Variants in VIPR1 observed in about 807,000 individuals in gnomAD.
The protein encoded by VIPR1 is vasoactive intestinal polypeptide receptor 1.
In VIPR1, 59 loss-of-function variants were observed where a neutral mutation model predicts 58.8. The ratio of observed to expected loss-of-function variants is 1.00; its 90% CI spans 0.81 to 1.25. The LOEUF (loss-of-function observed/expected upper bound fraction) is 1.25, where lower values mean the gene tolerates loss of function less well. Ranked by LOEUF, VIPR1 falls within the 50% of genes most tolerant of loss-of-function variation. VIPR1 has a pLI of 0.00. For missense variants in VIPR1, 626 were observed against 602.7 expected, an observed-to-expected ratio of 1.04 and a Z score of -0.40; for synonymous variants, 251 against 242.1, an observed-to-expected ratio of 1.04 and a Z score of -0.34.
intron 9 of VIPR1, 143 bp downstream of exon 9, chr3:42,532,012 C>G (rs1423355672): frequency 2.2e-5 from 22 of 1,002,168 alleles, no homozygotes; most frequent in Non-Finnish European, 3.3e-5. Flanking sequence ...ATCCCCACCC[C>G]TGTCCTACCA....
intron 2 of VIPR1, among the ~76,000 whole-genome samples, chr3:42,518,580 A>T (rs1057001989): frequency 3.3e-5 from 5 of 152,150 alleles, no homozygotes; most frequent in Non-Finnish European, 7.4e-5. Context: ...CTCTACTAAA[A>T]ATACAAAAAT....
chr3:42,499,009 T>A (rs973272170), upstream of VIPR1, among the ~76,000 whole-genome samples: 6 of 152,172 alleles, frequency 3.9e-5, no homozygotes, highest in Non-Finnish European at 8.8e-5. Context: ...TGGTGATCAC[T>A]CCATGTTGCC....
rs59106663 is a variant in VIPR1 at position 42,522,080 on chromosome 3, A to AATATATATATATATATAT, written c.292+2755_292+2772dup. Among the ~76,000 whole-genome samples, 158 of 52,880 alleles carry AATATATATATATATATAT rather than the reference A, an allele frequency of 3.0e-3. 3 individuals carry two copies. The highest frequency in any genetic ancestry group is 6.4e-3 in the African/African-American group (78 of 12,180). 34.7% of individuals were successfully genotyped at this position (52,880 alleles called of 152,430 possible). A position where few individuals can be genotyped will look rare whatever the true frequency, so the allele number is the denominator to read the frequency against. On this transcript the variant is annotated intron_variant, in intron 3 of 12. Coordinates refer to ENST00000325123, the MANE Select transcript of VIPR1 (RefSeq NM_004624.4). The stretch of plus-strand genomic sequence containing the variant: ...TCTTTCATCTGTGTTTCTACCTTCG[A>AATATATATATATATATAT]ATATATATATATATATATATATTTT...
chr3:42,527,429 T>G lies in VIPR1; in HGVS notation c.436T>G (p.Tyr146Asp). The change falls in exon 5 of 13, where the codon TAC (tyrosine) becomes GAC (aspartate). Residue 146 changes from tyrosine (Y) to aspartate (D), a missense_variant. Physicochemically the swap from Tyr to Asp is radical, Grantham distance 160 (BLOSUM62 -3). Coordinates refer to ENST00000325123, the MANE Select transcript of VIPR1 (RefSeq NM_004624.4). Reference sequence around the variant, plus strand: ...GTTCTACGGTTCTGTGAAGACCGGCTACACCATTGGCTACGGCCTGTCCCT... The same window carrying G: ...GTTCTACGGTTCTGTGAAGACCGGCGACACCATTGGCTACGGCCTGTCCCT... ...TMFYGSVKTG[Y>D]TIGYGLSLAT... 6.2e-7 allele frequency: 1 copy of G among 1,613,752 alleles called. No homozygotes were observed. Among genetic ancestry groups the G allele is most frequent in the Non-Finnish European group, 8.5e-7 (1 of 1,179,910 alleles).
At chr3:42,512,965 C>T in intron 1 of VIPR1, 3 of 985,446 alleles carry the variant, frequency 3.0e-6, no homozygotes, top group Non-Finnish European at 3.6e-6. Flanking sequence ...TGACCCCAGT[C>T]ACACTGGTCT....
chr3:42,519,826 A>T (rs1425261176), intron 3 of VIPR1, among the ~76,000 whole-genome samples: 2 of 152,220 alleles, frequency 1.3e-5, no homozygotes, highest in Non-Finnish European at 2.9e-5. Flanking sequence ...CACAATATAG[A>T]TTCAGTCATT....
chr3:42,517,004 C>T (rs1053270823), intron 2 of VIPR1, among the ~76,000 whole-genome samples: 3 of 152,210 alleles, frequency 2.0e-5, no homozygotes, highest in Admixed American at 6.5e-5. Context: ...GAGAAGCTGG[C>T]CCAGAATGGA....
chr3:42,519,403 G>A (rs2125654717), intron 3 of VIPR1, 73 bp downstream of exon 3: 1 of 1,371,420 alleles, frequency 7.3e-7, no homozygotes, highest in East Asian at 2.6e-5. Flanking sequence ...CAAGGAAGTG[G>A]AAAGGCAAAG....
chr3:42,495,865 C>G (rs1040576198), intron 1 of VIPR1, among the ~76,000 whole-genome samples: 1 of 151,792 alleles, frequency 6.6e-6, no homozygotes, highest in African/African-American at 2.4e-5. Flanking sequence ...AACTGAACAA[C>G]CTGACTGAAC....
At chr3:42,526,118 C>T in intron 4 of VIPR1, 125 bp downstream of exon 4, 1 of 867,378 alleles carries the variant, frequency 1.2e-6, no homozygotes, top group Non-Finnish European at 1.8e-6. Flanking sequence ...AGTCTGCCCT[C>T]CTCTAGCCTC....
chr3:42,520,025 G>A (rs963942785), intron 3 of VIPR1, among the ~76,000 whole-genome samples: 49 of 152,218 alleles, frequency 3.2e-4, no homozygotes, highest in Admixed American at 3.0e-3. Context: ...AGAATAAGGA[G>A]AGTGGGGACT....
intron 1 of VIPR1, among the ~76,000 whole-genome samples, chr3:42,495,002 G>A (rs900938093): frequency 1.3e-5 from 2 of 151,998 alleles, no homozygotes; most frequent in African/African-American, 4.8e-5. Flanking sequence ...TTTATTAATT[G>A]TCTATGCGTG....
chr3:42,499,874 G>A (rs770616834), upstream of VIPR1, among the ~76,000 whole-genome samples: 2 of 152,188 alleles, frequency 1.3e-5, no homozygotes, highest in South Asian at 2.1e-4. Flanking sequence ...GTGGGCCCAC[G>A]GTTGACCCCC....
At chr3:42,528,476 C>T (rs1701357879) in intron 6 of VIPR1, 1 of 288,020 alleles carries the variant, frequency 3.5e-6, no homozygotes, top group Non-Finnish European at 6.7e-6. Context: ...TCAGTTTCCC[C>T]ATCTGTGCAA....
In VIPR1 at chr3:42,512,521, G is replaced by A. The variant is rs538217957; in HGVS notation, c.79-1228G>A. ...GCCAGGAGGGACCCCCTTAAAGGAAGGTCCCCCACCTATGTTCTTCCCACG... is the reference window on the plus strand; with the variant it reads ...GCCAGGAGGGACCCCCTTAAAGGAAAGTCCCCCACCTATGTTCTTCCCACG... On this transcript the variant is annotated intron_variant, in intron 1 of 12. Coordinates refer to ENST00000325123, the MANE Select transcript of VIPR1 (RefSeq NM_004624.4). 2.6e-5 allele frequency among the ~76,000 whole-genome samples: 4 copies of A among 152,268 alleles called. No homozygotes were observed. In the South Asian group the frequency reaches 8.3e-4, roughly 32 times the overall value.
At position 42,527,648 on chromosome 3, in the gene VIPR1, T is replaced by G. The variant is rs991399731; in HGVS notation, c.503+152T>G. On this transcript the variant is annotated intron_variant, in intron 5 of 12. Transcript: ENST00000325123. ...CAGCTCCTGCCAGGCCAGCTTCCCC[T>G]GGAGAAGGCAGGTGGCTGAGCTCTT... 6.7e-6 allele frequency: 5 copies of G among 744,250 alleles called. 1 individual carries two copies. In the South Asian group the frequency reaches 8.6e-5, roughly 13 times the overall value. The allele number at this position is 744,250 out of a possible 1,614,324, so 46.1% of individuals were successfully genotyped here. A position where few individuals can be genotyped will look rare whatever the true frequency, so the allele number is the denominator to read the frequency against.
chr3:42,504,706 C>T (rs1004231958), intron 1 of VIPR1, among the ~76,000 whole-genome samples: 3 of 147,238 alleles, frequency 2.0e-5, no homozygotes, highest in Non-Finnish European at 3.0e-5. Flanking sequence ...AGCTACCAAT[C>T]GCTCCCTCAT....
chr3:42,506,917 T>A (rs929719182), intron 1 of VIPR1: 1 of 152,126 alleles, frequency 6.6e-6, no homozygotes, highest in East Asian at 1.9e-4. Context: ...TTTGTGAAAA[T>A]TTTTAAACAA....
chr3:42,533,749 T>C (rs1701702670), intron 10 of VIPR1: 1 of 152,266 alleles, frequency 6.6e-6, no homozygotes, highest in East Asian at 1.9e-4. Context: ...GTGTGTGGGA[T>C]AGTTTTGCAG....
Sources: gnomAD v4.1 joint callset for allele counts (sites outside exome capture counted in the v4.1 genomes callset) on GRCh38, gnomAD v4.1.1 for gene constraint, MANE v1.5 for transcripts, NCBI Gene and HGNC (gene_info 2026-07-23, HGNC 2026-07-21) for gene names.